Variants in ALK observed in about 807,000 individuals in gnomAD.
ALK encodes ALK receptor tyrosine kinase, also known as ALK tyrosine kinase receptor.
ALK carries 74 observed loss-of-function variants against 163.1 expected under a neutral mutation model. That is an observed-to-expected ratio of 0.45 (90% CI 0.38 to 0.55). The LOEUF (loss-of-function observed/expected upper bound fraction) is 0.55. ALK is among the 20% of genes least tolerant of loss of function. The pLI is 0.00. For synonymous variants in ALK, 960 were observed against 843.2 expected, an observed-to-expected ratio of 1.14 and a Z score of -2.40; for missense variants, 2,063 against 2,105.3, an observed-to-expected ratio of 0.98 and a Z score of 0.39.
At chr2:29,540,928 C>T (rs960906561) in intron 3 of ALK, among the ~76,000 whole-genome samples, 1 of 152,098 alleles carries the variant, frequency 6.6e-6, no homozygotes, top group African/African-American at 2.4e-5. Flanking sequence ...ATTCAAACTA[C>T]AATCCAGAAA....
intron 4 of ALK, among the ~76,000 whole-genome samples, chr2:29,512,908 A>C (rs1330571516): frequency 2.9e-5 from 4 of 138,504 alleles, no homozygotes; most frequent in Non-Finnish European, 4.7e-5. Flanking sequence ...ATTGCTTCAA[A>C]GAGAATAAAA....
At chr2:29,844,641 G>T (rs1558514887) in intron 1 of ALK, among the ~76,000 whole-genome samples, 1 of 152,082 alleles carries the variant, frequency 6.6e-6, no homozygotes, top group Non-Finnish European at 1.5e-5. Context: ...GGTTCTTAGG[G>T]GAGGAGACTG....
At chr2:29,391,549 C>T (rs1461952641) in intron 4 of ALK, among the ~76,000 whole-genome samples, 1 of 152,166 alleles carries the variant, frequency 6.6e-6, no homozygotes, top group African/African-American at 2.4e-5. Flanking sequence ...GATCCGCCCA[C>T]CTTGGCCTCC....
chr2:29,639,115 A>G (rs1676627615), intron 3 of ALK, among the ~76,000 whole-genome samples: 1 of 152,226 alleles, frequency 6.6e-6, no homozygotes, highest in African/African-American at 2.4e-5. Context: ...ACCTCATGCC[A>G]GCAGAAATCT....
intron 3 of ALK, among the ~76,000 whole-genome samples, chr2:29,570,961 T>G (rs753075996): frequency 6.6e-6 from 1 of 152,108 alleles, no homozygotes; most frequent in Non-Finnish European, 1.5e-5. Flanking sequence ...GTTTATATTA[T>G]GGATAATTAC....
At chr2:29,296,717 T>C (rs954664330) in intron 9 of ALK, among the ~76,000 whole-genome samples, 171 bp downstream of exon 9, 2 of 147,956 alleles carry the variant, frequency 1.4e-5, no homozygotes, top group African/African-American at 2.6e-5. Flanking sequence ...GTGTGTAACC[T>C]GCAGAGTGTG....
chr2:29,514,809 C>A (rs1429564695), intron 4 of ALK, among the ~76,000 whole-genome samples: 1 of 152,194 alleles, frequency 6.6e-6, no homozygotes, highest in African/African-American at 2.4e-5. Flanking sequence ...AAGTCATTCA[C>A]TTTTCTCTAT....
chr2:29,452,298 T>G (rs1436752779), intron 4 of ALK, among the ~76,000 whole-genome samples: 1 of 151,852 alleles, frequency 6.6e-6, no homozygotes, highest in Admixed American at 6.6e-5. Flanking sequence ...TTGCCTAGAG[T>G]GTGTTTCTCT....
chr2:29,557,858 G>A (rs1261032003), intron 3 of ALK, among the ~76,000 whole-genome samples: 3 of 152,180 alleles, frequency 2.0e-5, no homozygotes, highest in Admixed American at 6.5e-5. Flanking sequence ...CTAGTCTCCC[G>A]TCCTCTCCCT....
intron 4 of ALK, among the ~76,000 whole-genome samples, chr2:29,504,291 G>C (rs1038058363): frequency 1.3e-5 from 2 of 152,176 alleles, no homozygotes; most frequent in African/African-American, 4.8e-5. Flanking sequence ...GAGGTGGGCA[G>C]AGCCAGGTCA....
chr2:29,414,019 C>T (rs925719058), intron 4 of ALK, among the ~76,000 whole-genome samples: 1 of 152,168 alleles, frequency 6.6e-6, no homozygotes, highest in Admixed American at 6.5e-5. Flanking sequence ...ATGTGCTATA[C>T]TTTTATCCAA....
At chr2:29,392,805 T>A (rs757013671) in intron 4 of ALK, among the ~76,000 whole-genome samples, 12 of 152,226 alleles carry the variant, frequency 7.9e-5, no homozygotes, top group Non-Finnish European at 1.5e-4. Context: ...CTTGCTGGAT[T>A]AGCACAAGCT....
intron 2 of ALK, among the ~76,000 whole-genome samples, chr2:29,713,644 G>C (rs1679168641): frequency 6.6e-6 from 1 of 152,172 alleles, no homozygotes; most frequent in African/African-American, 2.4e-5. Context: ...AGAGCACACA[G>C]AGAGTCAGAA....
chr2:29,316,870 A>G (rs1666848283), intron 8 of ALK, among the ~76,000 whole-genome samples: 1 of 152,226 alleles, frequency 6.6e-6, no homozygotes, highest in African/African-American at 2.4e-5. Flanking sequence ...CATAGCCTAG[A>G]AGAGGGTGAG....
chr2:29,679,455 T>C (rs1677996150), intron 3 of ALK, among the ~76,000 whole-genome samples: 2 of 151,818 alleles, frequency 1.3e-5, no homozygotes, highest in South Asian at 2.1e-4. Context: ...TTTCTTTCTT[T>C]CTTTTCTCTC....
At chr2:29,217,486 AT>A (rs969657288) in intron 23 of ALK, among the ~76,000 whole-genome samples, 26 of 151,788 alleles carry the variant, frequency 1.7e-4, no homozygotes, top group African/African-American at 6.3e-4. Context: ...GGACCAAGTG[AT>A]TTTTTCATCT....
intron 5 of ALK, among the ~76,000 whole-genome samples, chr2:29,337,691 A>G (rs1667659768): frequency 1.3e-5 from 2 of 152,102 alleles, no homozygotes; most frequent in African/African-American, 4.8e-5. Context: ...TTCTCCTCGC[A>G]GAGGAATTCC....
chr2:29,471,893 C>T (rs1671354940), intron 4 of ALK, among the ~76,000 whole-genome samples: 1 of 152,178 alleles, frequency 6.6e-6, no homozygotes, highest in South Asian at 2.1e-4. Context: ...AGGTGGTCCC[C>T]ACCACATCCA....
chr2:29,738,002 A>G (rs948980854), intron 1 of ALK, among the ~76,000 whole-genome samples: 1 of 152,022 alleles, frequency 6.6e-6, no homozygotes, highest in African/African-American at 2.4e-5. Flanking sequence ...GCCTAATTTG[A>G]GCCCTGAAAC....
Sources: gnomAD v4.1 joint callset for allele counts (sites outside exome capture counted in the v4.1 genomes callset) on GRCh38, gnomAD v4.1.1 for gene constraint, MANE v1.5 for transcripts, NCBI Gene and HGNC (gene_info 2026-07-23, HGNC 2026-07-21) for gene names.